The following FAM20A variants were observed in gnomAD, a reference collection of about 807,000 sequenced individuals.
FAM20A encodes FAM20A golgi associated secretory pathway pseudokinase.
A neutral mutation model predicts 52.0 loss-of-function variants in FAM20A; 42 were observed. The ratio of observed to expected loss-of-function variants is 0.81; its 90% confidence interval spans 0.63 to 1.04. The LOEUF (loss-of-function observed/expected upper bound fraction) is 1.04, where lower values mean the gene tolerates loss of function less well. Ranked by LOEUF, FAM20A falls within the 50% of genes least tolerant of loss-of-function variation. The probability of loss-of-function intolerance (pLI) is 0.00; values close to 1 mark genes in which losing one functional copy is unlikely to be tolerated. For missense variants in FAM20A, 742 were observed against 712.7 expected (o/e 1.04, Z -0.47); for synonymous variants, 304 against 298.9 (o/e 1.02, Z -0.18).
At position 68,537,488 on chromosome 17, in the gene FAM20A, A is replaced by G. The variant is rs149451535; in HGVS notation, c.1615T>C (p.Leu539=). 1 of 1,614,056 alleles carries G rather than the reference A, an allele frequency of 6.2e-7. No homozygotes were observed. Among genetic ancestry groups the G allele is most frequent in the East Asian group, 2.2e-5 (1 of 44,870 alleles). ...GACTCTGCCAGCCCTTAGCTTGTCAAGTTAGCCTGGCCAGAGTCTGGGGCC... is the reference window on the plus strand; with the variant it reads ...GACTCTGCCAGCCCTTAGCTTGTCAGGTTAGCCTGGCCAGAGTCTGGGGCC... The part of the protein sequence containing the change: ...QLAPDSGQAN[L]TS The change falls in exon 11 of 11, where the codon TTG becomes CTG. Residue 539 remains leucine, a synonymous_variant. Transcript: ENST00000592554. The surrounding 1 kb of genome is among the most constrained non-coding windows in gnomAD (Gnocchi z 4.2).
chr17:68,592,283 G>A (rs1320711504), intron 1 of FAM20A, among the ~76,000 whole-genome samples: 2 of 151,934 alleles, frequency 1.3e-5, no homozygotes, highest in Non-Finnish European at 2.9e-5. Context: ...CTATGAATGG[G>A]GTTAAAAAAA....
intron 1 of FAM20A, among the ~76,000 whole-genome samples, chr17:68,581,284 G>T (rs1000932983): frequency 3.3e-5 from 5 of 152,120 alleles, no homozygotes; most frequent in Admixed American, 1.3e-4. Context: ...GCTCAGACAT[G>T]AAATAAAGTT....
At chr17:68,573,678 T>C (rs1402176312) in intron 1 of FAM20A, among the ~76,000 whole-genome samples, 1 of 151,682 alleles carries the variant, frequency 6.6e-6, no homozygotes, top group Non-Finnish European at 1.5e-5. Context: ...CTTTCTTTCT[T>C]TTCTCTTTTT....
chr17:68,546,724 G>A (rs1169876113), intron 4 of FAM20A, among the ~76,000 whole-genome samples: 1 of 151,978 alleles, frequency 6.6e-6, no homozygotes, highest in Non-Finnish European at 1.5e-5. Flanking sequence ...CAGCCACTCG[G>A]GAGGCTGAGG....
chr17:68,544,723 G>A (rs1475925064), intron 4 of FAM20A, among the ~76,000 whole-genome samples: 3 of 152,176 alleles, frequency 2.0e-5, no homozygotes, highest in Non-Finnish European at 2.9e-5. Context: ...ACAACCCTCC[G>A]TGCTCAGGCC....
intron 1 of FAM20A, among the ~76,000 whole-genome samples, chr17:68,583,377 C>T (rs2088069369): frequency 6.6e-6 from 1 of 152,114 alleles, no homozygotes; most frequent in East Asian, 1.9e-4. Flanking sequence ...TAGGAGAAAG[C>T]CCCTTCTTTG....
chr17:68,599,503 A>T lies in FAM20A; in HGVS notation c.404+760T>A, dbSNP rs116811323. Among the ~76,000 whole-genome samples, 986 of 152,342 alleles carry T rather than the reference A, an allele frequency of 6.5e-3. 9 individuals are homozygous for T. Among genetic ancestry groups the T allele is most frequent in the African/African-American group, 0.022 (927 of 41,576 alleles). On this transcript the variant is annotated intron_variant, in intron 1 of 10. Transcript: ENST00000592554. ...TTCCTCTGTATTTTGCTTTGGGTTT[A>T]AAAAATTCCCTGAAAGATTTTTTTC...
In FAM20A at chr17:68,537,843, C is replaced by T. The variant is rs965691431; in HGVS notation, c.1362-102G>A. ...CAGCTGTTGTAGCTGATACTCTTGG[C>T]GCCTCTCCTTGTGTCTTCTCAGGCA... is the stretch of plus-strand genomic sequence containing the variant. On this transcript the variant is annotated intron_variant, in intron 10 of 10. Coordinates refer to ENST00000592554, the MANE Select transcript of FAM20A (RefSeq NM_017565.4). This position sits in a 1 kb window ranked among gnomAD's most constrained non-coding sequence, Gnocchi z 4.2. The T allele has an allele frequency of 5.3e-6, 7 of 1,311,224 alleles. No individual in the cohort carries two copies. Among genetic ancestry groups the T allele is most frequent in the East Asian group, 2.5e-5 (1 of 39,822 alleles). The allele number at this position is 1,311,224 out of a possible 1,614,324, so 81.2% of individuals were successfully genotyped here. A position where few individuals can be genotyped will look rare whatever the true frequency, so the allele number is the denominator to read the frequency against.
intron 1 of FAM20A, among the ~76,000 whole-genome samples, chr17:68,592,208 C>G (rs2088333274): frequency 6.6e-6 from 1 of 152,076 alleles, no homozygotes; most frequent in South Asian, 2.1e-4. Flanking sequence ...TCTGAGTGCT[C>G]AGGGCTGCAT....
intron 1 of FAM20A, among the ~76,000 whole-genome samples, chr17:68,578,876 G>A (rs1262287341): frequency 1.4e-5 from 2 of 146,480 alleles, no homozygotes; most frequent in African/African-American, 2.5e-5. Context: ...ATTACTGGGC[G>A]TGGTGGCAGG....
intron 4 of FAM20A, among the ~76,000 whole-genome samples, chr17:68,548,042 A>T (rs777907762): frequency 3.9e-5 from 6 of 152,066 alleles, no homozygotes; most frequent in Non-Finnish European, 8.8e-5. Flanking sequence ...GTCTTAGGGA[A>T]TAGGGAGGCC....
At chr17:68,540,433 C>T (rs1056935530) in intron 8 of FAM20A, 13 of 463,878 alleles carry the variant, frequency 2.8e-5, no homozygotes, top group African/African-American at 1.8e-4. Flanking sequence ...ATAAGTGTCT[C>T]GTCTCCCTAG....
rs536194501 is a variant in FAM20A at position 68,558,970 on chromosome 17, G to C, written c.405-3227C>G. Among the ~76,000 whole-genome samples the C allele has an allele frequency of 3.9e-4, 59 of 152,192 alleles. No homozygotes were observed. In the Middle Eastern group the frequency reaches 0.02, roughly 53 times the overall value. On this transcript the variant is annotated intron_variant, in intron 1 of 10. Coordinates refer to ENST00000592554, the MANE Select transcript of FAM20A (RefSeq NM_017565.4). Reference sequence around the variant, plus strand: ...ATGGGGTTTTACCATCTTGGCCAGGGTGGTCTTGAACTCCTGACCTCAGGT... The same window carrying C: ...ATGGGGTTTTACCATCTTGGCCAGGCTGGTCTTGAACTCCTGACCTCAGGT...
chr17:68,577,636 G>T (rs568548103), intron 1 of FAM20A, among the ~76,000 whole-genome samples: 2 of 152,294 alleles, frequency 1.3e-5, no homozygotes, highest in South Asian at 4.1e-4. Flanking sequence ...ATAGAATAAT[G>T]AGCAAATAAA....
At chr17:68,573,636 CTCCTTTCTTTCTTCCTTTCT>C (rs2087640237) in intron 1 of FAM20A, among the ~76,000 whole-genome samples, 2 of 147,286 alleles carry the variant, frequency 1.4e-5, no homozygotes. Flanking sequence ...CCCTCCTTCC[CTCCTTTCTTTCTTCCTTTCT>C]TCCTTTCTTT....
At position 68,543,649 on chromosome 17, in the gene FAM20A, G is replaced by A. The variant is rs139591838; in HGVS notation, c.792C>T (p.Ile264=). ...FIDFQRHNAE[I]AAFHLDRILD... is the part of the protein sequence containing the mutation. ...CCTACCTGTCCAGATGGAAAGCTGC[G>A]ATCTCAGCATTGTGTCTCTGAAAGT... Residue 264 remains isoleucine (I), a synonymous_variant, in exon 5 of 11, where the codon ATC becomes ATT. Coordinates refer to ENST00000592554, the MANE Select transcript of FAM20A (RefSeq NM_017565.4). 1.4e-4 allele frequency: 228 copies of A among 1,614,094 alleles called. No homozygotes were observed. Among genetic ancestry groups the A allele is most frequent in the Non-Finnish European group, 1.8e-4 (216 of 1,180,006 alleles).
Position 68,552,665 on chromosome 17 carries a change from C to CTTT in FAM20A, c.641-715_641-714insAAA, listed in dbSNP as rs1568739140. On this transcript the variant is annotated intron_variant, in intron 3 of 10. Transcript: ENST00000592554. ...CTGGAGCCCTGTAAACCTTTATTTTCCTTTTTTTTTTTTTTTTTTTTTTTT... is the reference window on the plus strand; with the variant it reads ...CTGGAGCCCTGTAAACCTTTATTTTCTTTCTTTTTTTTTTTTTTTTTTTTTTTT... Among the ~76,000 whole-genome samples, 485 of 109,984 alleles carry CTTT rather than the reference C, an allele frequency of 4.4e-3. 60 individuals carry two copies. Among genetic ancestry groups the CTTT allele is most frequent in the African/African-American group, 0.015 (465 of 30,988 alleles). The allele number at this position is 109,984 out of a possible 152,430, so 72.2% of individuals were successfully genotyped here.
At chr17:68,545,072 A>T (rs1277964331) in intron 4 of FAM20A, among the ~76,000 whole-genome samples, 1 of 152,218 alleles carries the variant, frequency 6.6e-6, no homozygotes, top group Non-Finnish European at 1.5e-5. Flanking sequence ...TCTCTCTTTA[A>T]TCAGAAAAAA....
At chr17:68,543,749 G>A in intron 4 of FAM20A, 28 bp from the exon 5 acceptor site, 1 of 1,586,496 alleles carries the variant, frequency 6.3e-7, no homozygotes, top group Non-Finnish European at 8.7e-7. Context: ...ATCACGCCCT[G>A]GACTCAGACT....
Sources: allele counts gnomAD v4.1 joint callset (sites outside exome capture counted in the v4.1 genomes callset), GRCh38; gene constraint gnomAD v4.1.1; non-coding constraint Gnocchi (gnomAD v3.1); transcripts MANE v1.5; gene names NCBI Gene and HGNC (gene_info 2026-07-23, HGNC 2026-07-21).